TRAPPC9: variants seen among roughly 807,000 people sequenced by gnomAD.
TRAPPC9 encodes trafficking protein particle complex subunit 9.
A neutral mutation model predicts 124.0 loss-of-function variants in TRAPPC9; 83 were observed. That is an observed-to-expected ratio of 0.67 (90% CI 0.56 to 0.80). The LOEUF is 0.80. TRAPPC9 is among the 30% of genes least tolerant of loss of function. The pLI is 0.00. For synonymous variants in TRAPPC9, 638 were observed against 617.5 expected, an observed-to-expected ratio of 1.03 and a Z score of -0.49; for missense variants, 1,302 against 1,508.3, an observed-to-expected ratio of 0.86 and a Z score of 2.27.
chr8:140,016,746 G>A (rs1303677928), intron 18 of TRAPPC9, among the ~76,000 whole-genome samples: 3 of 152,182 alleles, frequency 2.0e-5, no homozygotes, highest in African/African-American at 4.8e-5. Flanking sequence ...AAGCTGTTAC[G>A]AAAATACTTG....
intron 19 of TRAPPC9, among the ~76,000 whole-genome samples, chr8:139,941,943 G>A (rs1833945428): frequency 6.6e-6 from 1 of 152,214 alleles, no homozygotes; most frequent in Admixed American, 6.5e-5. Context: ...AGATCGGTGT[G>A]CAGGAAGGAC....
At chr8:140,045,199 C>T (rs997011886) in intron 17 of TRAPPC9, among the ~76,000 whole-genome samples, 18 of 152,150 alleles carry the variant, frequency 1.2e-4, no homozygotes, top group African/African-American at 3.1e-4. Context: ...GCTATTCCAC[C>T]GGCTCTGAGA....
intron 17 of TRAPPC9, among the ~76,000 whole-genome samples, chr8:140,152,544 T>C (rs945583525): frequency 2.0e-5 from 3 of 151,362 alleles, no homozygotes; most frequent in Non-Finnish European, 4.4e-5. Context: ...GTATTTTTTT[T>C]TTTTTAGTAG....
At chr8:140,031,673 A>G (rs1409135171) in intron 17 of TRAPPC9, among the ~76,000 whole-genome samples, 1 of 152,216 alleles carries the variant, frequency 6.6e-6, no homozygotes, top group Non-Finnish European at 1.5e-5. Flanking sequence ...AAGCCATACC[A>G]TTACTTTCCA....
chr8:139,998,692 A>G (rs1320118887), intron 18 of TRAPPC9, among the ~76,000 whole-genome samples: 3 of 152,384 alleles, frequency 2.0e-5, no homozygotes, highest in Non-Finnish European at 4.4e-5. Context: ...ACTGCACTCC[A>G]GTCTGGGCAA....
rs768722657 is a variant in TRAPPC9, at chr8:139,988,728, C to T, written c.2808G>A (p.Gln936=). 7.6e-5 allele frequency: 118 copies of T among 1,548,466 alleles called. No individual in the cohort carries two copies. The highest frequency in any genetic ancestry group is 9.5e-5 in the Non-Finnish European group (109 of 1,145,506). Residue 936 remains glutamine, a splice_region_variant and synonymous_variant, in exon 19 of 23, where the codon CAG becomes CAA. Coordinates refer to ENST00000438773, the MANE Select transcript of TRAPPC9 (RefSeq NM_001160372.4). ...EALILHAGEC[Q]RMAIQVDKFN... Reference sequence around the variant, plus strand: ...GCGAGGGTCTATGGGACACTTACCGCTGGCACTCACCGGCGTGCAGGATGA... The same window carrying T: ...GCGAGGGTCTATGGGACACTTACCGTTGGCACTCACCGGCGTGCAGGATGA...
chr8:139,983,242 C>A (rs1186980002), intron 19 of TRAPPC9, among the ~76,000 whole-genome samples: 1 of 152,152 alleles, frequency 6.6e-6, no homozygotes, highest in Non-Finnish European at 1.5e-5. Flanking sequence ...TGATCTTGAA[C>A]CTGCAGCCTC....
intron 19 of TRAPPC9, among the ~76,000 whole-genome samples, chr8:139,980,287 T>G (rs959804653): frequency 7.2e-5 from 11 of 152,186 alleles, no homozygotes; most frequent in Non-Finnish European, 1.3e-4. Flanking sequence ...CTCTGTTCAC[T>G]AAGCGGGTGG....
At chr8:139,789,505 A>T (rs550147417) in intron 21 of TRAPPC9, among the ~76,000 whole-genome samples, 1 of 152,180 alleles carries the variant, frequency 6.6e-6, no homozygotes, top group South Asian at 2.1e-4. Context: ...AGACCTCCTG[A>T]GCCACACTTT....
At chr8:139,911,818 G>A (rs562657700) in intron 19 of TRAPPC9, among the ~76,000 whole-genome samples, 18 of 151,624 alleles carry the variant, frequency 1.2e-4, no homozygotes, top group Middle Eastern at 3.4e-3. Flanking sequence ...TCCCTTGAAC[G>A]AGCAAGAAAT....
rs143088645 is a variant in TRAPPC9 at position 139,943,169 on chromosome 8, C to T, written c.2811-32869G>A. On this transcript the variant is annotated intron_variant, in intron 19 of 22. Transcript: ENST00000438773. ...GTAACTTCCGCCACCTGGGTTCAAG[C>T]GATTCTCCTGTCTCAGCCTCCCAAG... 3.9e-5 allele frequency among the ~76,000 whole-genome samples: 6 copies of T among 152,276 alleles called. No individual in the cohort carries two copies. In the East Asian group the frequency reaches 7.7e-4, roughly 20 times the overall value.
chr8:140,315,349 G>A (rs1251376413), intron 9 of TRAPPC9, among the ~76,000 whole-genome samples: 1 of 149,006 alleles, frequency 6.7e-6, no homozygotes, highest in African/African-American at 2.5e-5. Flanking sequence ...ACTGATGCAA[G>A]ACCAGCATAT....
chr8:140,328,732 T>C (rs1002179644), intron 9 of TRAPPC9, among the ~76,000 whole-genome samples: 4 of 151,724 alleles, frequency 2.6e-5, no homozygotes, highest in African/African-American at 7.3e-5. Flanking sequence ...ATTTTTTTTT[T>C]AATTTTAAAA....
At chr8:140,253,737 G>A (rs181014407) in intron 15 of TRAPPC9, among the ~76,000 whole-genome samples, 10 of 152,050 alleles carry the variant, frequency 6.6e-5, no homozygotes, top group African/African-American at 7.2e-5. Context: ...AAGGGCCTCC[G>A]GGGAGAGGTG....
chr8:140,434,753 G>T (rs949941167), intron 4 of TRAPPC9, among the ~76,000 whole-genome samples: 1 of 151,994 alleles, frequency 6.6e-6, no homozygotes. Context: ...GGTGGATCAC[G>T]AGGTCAAGCA....
At chr8:140,361,466 C>T (rs568817994) in intron 8 of TRAPPC9, among the ~76,000 whole-genome samples, 2 of 152,336 alleles carry the variant, frequency 1.3e-5, no homozygotes, top group South Asian at 2.1e-4. Flanking sequence ...AAAACGGAGA[C>T]AGTAGTCGGA....
chr8:139,886,207 T>C (rs1237197533), intron 20 of TRAPPC9, among the ~76,000 whole-genome samples: 1 of 152,222 alleles, frequency 6.6e-6, no homozygotes, highest in Non-Finnish European at 1.5e-5. Flanking sequence ...TAAACTACTG[T>C]TATGTAAGAA....
rs972534192 is a variant in TRAPPC9 at position 140,251,217 on chromosome 8, T to C, written c.2431+1560A>G. Among the ~76,000 whole-genome samples, 4 of 152,334 alleles carry C rather than the reference T, an allele frequency of 2.6e-5. No homozygotes were observed. The South Asian group carries it at 8.3e-4, about 32-fold the overall frequency. Reference sequence around the variant, plus strand: ...GTGCCAAGACATAGCCCTGGGGTAATATCCAGTCCCAAGTGTTCCAGGGGC... The same window carrying C: ...GTGCCAAGACATAGCCCTGGGGTAACATCCAGTCCCAAGTGTTCCAGGGGC... On this transcript the variant is annotated intron_variant, in intron 16 of 22. Transcript: ENST00000438773.
intron 21 of TRAPPC9, among the ~76,000 whole-genome samples, chr8:139,797,537 G>C (rs1823188521): frequency 6.6e-6 from 1 of 152,092 alleles, no homozygotes; most frequent in Non-Finnish European, 1.5e-5. Flanking sequence ...TGGGATTACA[G>C]CCATGAGCCA....
Sources: gnomAD v4.1 joint callset for allele counts (sites outside exome capture counted in the v4.1 genomes callset) on GRCh38, gnomAD v4.1.1 for gene constraint, MANE v1.5 for transcripts, NCBI Gene and HGNC (gene_info 2026-07-23, HGNC 2026-07-21) for gene names.